Variants in GFI1B observed in about 807,000 individuals in gnomAD.
GFI1B encodes the protein zinc finger protein Gfi-1b.
Under a neutral mutation model 35.3 loss-of-function variants are expected in GFI1B, and 20 were observed. That is an observed-to-expected ratio of 0.57 (90% CI 0.40 to 0.82). GFI1B has a LOEUF of 0.82. GFI1B is among the 40% of genes least tolerant of loss of function. The probability of loss-of-function intolerance (pLI) is 0.00; values close to 1 mark genes in which losing one functional copy is unlikely to be tolerated. For synonymous variants in GFI1B, 178 were observed against 177.6 expected, an observed-to-expected ratio of 1.00 and a Z score of -0.02; for missense variants, 430 against 446.3, an observed-to-expected ratio of 0.96 and a Z score of 0.33.
chr9:132,958,295 T>A, intron 1 of GFI1B, among the ~76,000 whole-genome samples: 1 of 152,120 alleles, frequency 6.6e-6, no homozygotes, highest in East Asian at 1.9e-4. Context: ...CTTGCGTTGC[T>A]ACAAAGAAAT....
intron 3 of GFI1B, 115 bp from the exon 4 acceptor site, chr9:132,988,082 G>A (rs1189084525): frequency 2.2e-6 from 2 of 911,350 alleles, no homozygotes; most frequent in East Asian, 2.4e-5. Flanking sequence ...CCGACCTCAA[G>A]TGACCCACTT....
At chr9:132,964,155 G>A (rs547636461) in intron 1 of GFI1B, among the ~76,000 whole-genome samples, 7 of 152,200 alleles carry the variant, frequency 4.6e-5, no homozygotes, top group Non-Finnish European at 7.4e-5. Context: ...CAGGAAAATC[G>A]CTTGAACCTG....
At chr9:132,988,509 T>C (rs1453704262) in intron 4 of GFI1B, 41 bp downstream of exon 4, 2 of 1,583,544 alleles carry the variant, frequency 1.3e-6, no homozygotes, top group Non-Finnish European at 1.7e-6. Flanking sequence ...GGCCCTCCTC[T>C]CCGCACTCCC....
At chr9:132,986,930 A>C in intron 2 of GFI1B, 152 bp downstream of exon 2, 1 of 654,432 alleles carries the variant, frequency 1.5e-6, no homozygotes, top group Admixed American at 2.2e-5. Flanking sequence ...TGAAAGGAGT[A>C]GACAAATGAG....
In GFI1B at chr9:132,989,213, C is replaced by T. The variant is rs370311979; in HGVS notation, c.648+15C>T. On this transcript the variant is annotated intron_variant, in intron 5 of 6. Transcript: ENST00000372122. The surrounding 1 kb of genome is among the most constrained non-coding windows in gnomAD (Gnocchi z 6.2). ...TCCACTCCCAGGTGGGCACCTGGCC[C>T]AGCGCAGGACTCCCAGCCCCACTCC... The T allele has an allele frequency of 7.8e-5, 125 of 1,606,592 alleles. No individual in the cohort carries two copies. The highest frequency in any genetic ancestry group is 1.0e-4 in the Non-Finnish European group (119 of 1,175,986).
chr9:132,984,652 G>A (rs533408184), intron 1 of GFI1B, among the ~76,000 whole-genome samples: 120 of 152,292 alleles, frequency 7.9e-4, no homozygotes, highest in Non-Finnish European at 1.1e-3. Context: ...ATGGATAAAG[G>A]TCCTTTCTCG....
At chr9:132,973,907 A>G (rs547045143), upstream of GFI1B, among the ~76,000 whole-genome samples, 4 of 152,208 alleles carry the variant, frequency 2.6e-5, no homozygotes, top group Admixed American at 1.3e-4. Context: ...TGAGAGGCCC[A>G]TATCCCTCCC....
intron 1 of GFI1B, among the ~76,000 whole-genome samples, chr9:132,972,012 C>A (rs897595704): frequency 2.7e-5 from 4 of 150,430 alleles, no homozygotes; most frequent in African/African-American, 9.8e-5. Flanking sequence ...TGGTGGCTCA[C>A]GCCTGTAATC....
intron 3 of GFI1B, 45 bp from the exon 4 acceptor site, chr9:132,988,152 C>T (rs1564178409): frequency 1.3e-6 from 2 of 1,591,690 alleles, no homozygotes; most frequent in Non-Finnish European, 1.7e-6. Flanking sequence ...TGCCCAACCC[C>T]CTGTGTTTAA....
In GFI1B at chr9:132,989,788, C is replaced by T. The variant is rs754439744; in HGVS notation, c.695C>T (p.Ser232Leu). 1.1e-5 allele frequency: 18 copies of T among 1,614,004 alleles called. No homozygotes were observed. The highest frequency in any genetic ancestry group is 2.7e-5 in the African/African-American group (2 of 75,072). The change falls in exon 6 of 7, where the codon TCG becomes TTG. Residue 232 changes from serine (S) to leucine (L), a missense_variant. Physicochemically the swap from Ser to Leu is moderately radical, Grantham distance 145. Transcript: ENST00000372122. The surrounding 1 kb of genome is among the most constrained non-coding windows in gnomAD (Gnocchi z 6.2). ...ATGTGCGGCAAGGCCTTCAAGCGCT[C>T]GTCCACGCTGTCCACCCACCTGCTC... ...CRMCGKAFKR[S>L]STLSTHLLIH...
At chr9:132,962,696 T>C (rs961251979) in intron 1 of GFI1B, 1 of 454,490 alleles carries the variant, frequency 2.2e-6, no homozygotes, top group Non-Finnish European at 4.3e-6. Flanking sequence ...ACACACATAT[T>C]ATGTTCTATC....
chr9:132,946,803 A>G (rs1272100573), intron 1 of GFI1B: 2 of 152,358 alleles, frequency 1.3e-5, no homozygotes, highest in Non-Finnish European at 2.9e-5. Flanking sequence ...GCATTCTGCC[A>G]TGGAGGAGAG....
rs1468275919 is a variant in GFI1B, at chr9:132,989,249, T to A, written c.648+51T>A. 6.4e-7 allele frequency: 1 copy of A among 1,569,016 alleles called. No individual in the cohort carries two copies. The highest frequency in any genetic ancestry group is 1.1e-5 in the South Asian group (1 of 90,338). ...TCCCAGCCCCACTCCTTCTCTGTGC[T>A]TCCCCAGGGAGCCTGGGGGCTGTGG... On this transcript the variant is annotated intron_variant, in intron 5 of 6. Coordinates refer to ENST00000372122, the MANE Select transcript of GFI1B (RefSeq NM_001377304.1). The surrounding 1 kb of genome is among the most constrained non-coding windows in gnomAD (Gnocchi z 6.2).
chr9:132,990,882 G>T lies in GFI1B; in HGVS notation c.825G>T (p.Pro275=). The change falls in exon 7 of 7, where the codon CCG becomes CCT. Residue 275 remains proline (P), a synonymous_variant. Coordinates refer to ENST00000372122, the MANE Select transcript of GFI1B (RefSeq NM_001377304.1). ...KHTYIHTGEK[P]HKCQVCGKAF... ...CTGCCCTCCCTGCAGGTGAGAAGCC[G>T]CACAAGTGCCAGGTGTGCGGAAAGG... 6.2e-7 allele frequency: 1 copy of T among 1,614,162 alleles called. No homozygotes were observed. Among genetic ancestry groups the T allele is most frequent in the Non-Finnish European group, 8.5e-7 (1 of 1,179,980 alleles).
intron 1 of GFI1B, among the ~76,000 whole-genome samples, chr9:132,965,630 G>T (rs973290524): frequency 6.6e-6 from 1 of 152,184 alleles, no homozygotes; most frequent in African/African-American, 2.4e-5. Context: ...GGAGTGGGAG[G>T]CCCCATGAAG....
intron 1 of GFI1B, among the ~76,000 whole-genome samples, chr9:132,964,250 A>T (rs184968645): frequency 7.4e-4 from 113 of 152,308 alleles, no homozygotes; most frequent in African/African-American, 1.8e-3. Flanking sequence ...CTAAATAAAT[A>T]AATTAATTAA....
chr9:132,982,178 G>A lies in GFI1B; in HGVS notation c.-21+3337G>A, dbSNP rs188178438. ...AGTGACAAGTCTTTTAGTCAAGGTGGTTCAATCTCTCACTGAAGGTCAACG... is the reference window on the plus strand; with the variant it reads ...AGTGACAAGTCTTTTAGTCAAGGTGATTCAATCTCTCACTGAAGGTCAACG... On this transcript the variant is annotated intron_variant, in intron 1 of 6. Transcript: ENST00000372122. Among the ~76,000 whole-genome samples, 10 of 152,362 alleles carry A rather than the reference G, an allele frequency of 6.6e-5. No homozygotes were observed. In the East Asian group the frequency reaches 1.5e-3, roughly 24 times the overall value.
rs562282880 is a variant in GFI1B at position 132,962,541 on chromosome 9, T to G, written c.-700-10184T>G. The G allele has an allele frequency of 1.2e-4, 60 of 509,724 alleles. No individual in the cohort carries two copies. In the East Asian group the frequency reaches 3.3e-3, roughly 28 times the overall value. 31.6% of individuals were successfully genotyped at this position (509,724 alleles called of 1,614,324 possible). A position where few individuals can be genotyped will look rare whatever the true frequency, so the allele number is the denominator to read the frequency against. ...TTCTCACAAGACTTTGAGGATTAAG[T>G]GATTCCTGGCCAAGAAACAAAAGCA... On this transcript the variant is annotated intron_variant, in intron 1 of 10. Transcript: ENST00000339463.
intron 1 of GFI1B, among the ~76,000 whole-genome samples, chr9:132,985,557 T>G (rs1418429673): frequency 6.6e-6 from 1 of 152,126 alleles, no homozygotes; most frequent in Non-Finnish European, 1.5e-5. Context: ...GGGAACAGAC[T>G]CTGGGCCAGG....
Sources: gnomAD v4.1 joint callset for allele counts (sites outside exome capture counted in the v4.1 genomes callset) on GRCh38, gnomAD v4.1.1 for gene constraint, Gnocchi (gnomAD v3.1) non-coding constraint, MANE v1.5 for transcripts, NCBI Gene and HGNC (gene_info 2026-07-23, HGNC 2026-07-21) for gene names.